ST7: variants seen among roughly 807,000 people sequenced by gnomAD.
ST7 encodes the protein suppressor of tumorigenicity 7 protein.
Under a neutral mutation model 78.7 loss-of-function variants are expected in ST7, and 28 were observed. The ratio of observed to expected loss-of-function variants is 0.36; its 90% confidence interval spans 0.26 to 0.49. The LOEUF is 0.49. Ranked by LOEUF, ST7 falls within the 20% of genes least tolerant of loss-of-function variation. ST7 has a pLI of 0.99. For synonymous variants in ST7, 247 were observed against 249.6 expected (o/e 0.99, Z 0.10); for missense variants, 418 against 696.0 (o/e 0.60, Z 4.49).
intron 1 of ST7, among the ~76,000 whole-genome samples, chr7:116,999,328 T>C (rs1455974154): frequency 6.6e-6 from 1 of 152,228 alleles, no homozygotes; most frequent in South Asian, 2.1e-4. Flanking sequence ...TACAGCTTTA[T>C]TAAATACTTT....
At chr7:117,003,551 C>G (rs576819716) in intron 1 of ST7, among the ~76,000 whole-genome samples, 196 of 152,106 alleles carry the variant, frequency 1.3e-3, no homozygotes, top group Non-Finnish European at 2.4e-3. Flanking sequence ...ACCCAAAGGG[C>G]TGGGATTACA....
chr7:117,060,245 T>C (rs1158265012), intron 1 of ST7, among the ~76,000 whole-genome samples: 1 of 152,026 alleles, frequency 6.6e-6, no homozygotes, highest in Non-Finnish European at 1.5e-5. Flanking sequence ...AGTCTATGGG[T>C]AATGGAGATC....
chr7:117,140,748 C>T (rs1425727769), intron 9 of ST7, among the ~76,000 whole-genome samples: 2 of 152,082 alleles, frequency 1.3e-5, no homozygotes, highest in Non-Finnish European at 2.9e-5. Flanking sequence ...AATACCAATA[C>T]ATGTGCTCCT....
Position 117,185,888 on chromosome 7 carries a change from A to T in ST7, c.1079-3433A>T, listed in dbSNP as rs1809213513. Among the ~76,000 whole-genome samples the T allele has an allele frequency of 3.9e-5, 6 of 152,202 alleles. No individual in the cohort carries two copies. The South Asian group carries it at 1.2e-3, about 31-fold the overall frequency. On this transcript the variant is annotated intron_variant, in intron 10 of 15. Coordinates refer to ENST00000323984, the MANE Select transcript of ST7 (RefSeq NM_001369598.1). ...CAGTTAGCTGAGATCGTGCCATTGC[A>T]CTCTAGCCTGGGCGACAGAGCGAGA...
In ST7 at chr7:117,170,845, G is replaced by T; in HGVS notation, c.964-17G>T. On this transcript the variant is annotated splice_polypyrimidine_tract_variant and intron_variant, in intron 9 of 15. Coordinates refer to ENST00000323984, the MANE Select transcript of ST7 (RefSeq NM_001369598.1). ...ATACATAATATACTAATTATTCCTTGGTTTCTTCTGCCCTAGTTAATGAAG... is the reference window on the plus strand; with the variant it reads ...ATACATAATATACTAATTATTCCTTTGTTTCTTCTGCCCTAGTTAATGAAG... The T allele has an allele frequency of 7.3e-7, 1 of 1,361,138 alleles. No individual in the cohort carries two copies. The highest frequency in any genetic ancestry group is 1.0e-6 in the Non-Finnish European group (1 of 979,520). 84.3% of individuals were successfully genotyped at this position (1,361,138 alleles called of 1,614,324 possible). A position where few individuals can be genotyped will look rare whatever the true frequency, so the allele number is the denominator to read the frequency against.
Position 117,134,868 on chromosome 7 carries a change from G to T in ST7, c.710+676G>T, listed in dbSNP as rs545571069. On this transcript the variant is annotated intron_variant, in intron 7 of 15. Coordinates refer to ENST00000323984, the MANE Select transcript of ST7 (RefSeq NM_001369598.1). Reference sequence around the variant, plus strand: ...CCACATTGTTTAAAGCCCCATTGATGGTTCCTGCCTGAAATTAGAGAGACT... The same window carrying T: ...CCACATTGTTTAAAGCCCCATTGATTGTTCCTGCCTGAAATTAGAGAGACT... Among the ~76,000 whole-genome samples the T allele has an allele frequency of 3.3e-5, 5 of 152,036 alleles. No homozygotes were observed. The East Asian group carries it at 5.8e-4, about 18-fold the overall frequency.
chr7:117,062,102 G>A (rs1354002317), intron 1 of ST7, among the ~76,000 whole-genome samples: 1 of 152,126 alleles, frequency 6.6e-6, no homozygotes, highest in Non-Finnish European at 1.5e-5. Context: ...GTCTTCACAG[G>A]GTGAGGGGGG....
At chr7:117,097,908 A>ATATATATATTTTTTTT in intron 1 of ST7, among the ~76,000 whole-genome samples, 2 of 30,012 alleles carry the variant, frequency 6.7e-5, no homozygotes, top group East Asian at 1.7e-3. Context: ...ATATATATAT[A>ATATATATATTTTTTTT]TTTTTTTTTT....
Position 116,953,577 on chromosome 7 carries a change from A to G in ST7, c.37A>G (p.Lys13Glu). 6.8e-7 allele frequency: 1 copy of G among 1,469,246 alleles called. No homozygotes were observed. Among genetic ancestry groups the G allele is most frequent in the Non-Finnish European group, 9.1e-7 (1 of 1,093,326 alleles). 91.0% of individuals were successfully genotyped at this position (1,469,246 alleles called of 1,614,324 possible). ...GGCCACGGGCTTTCTGGAGCAGCTC[A>G]AGTCCTGCATAGTTTGGTCTTGGAC... ...EAATGFLEQL[K>E]SCIVWSWTYL... is the part of the protein sequence containing the mutation. The change falls in exon 1 of 16, where the codon AAG becomes GAG. Residue 13 changes from lysine (K) to glutamate (E), a missense_variant. By Grantham distance (56) the Lys-to-Glu change is moderately conservative. Coordinates refer to ENST00000323984, the MANE Select transcript of ST7 (RefSeq NM_001369598.1).
At chr7:117,099,472 A>G (rs1489832698) in intron 1 of ST7, among the ~76,000 whole-genome samples, 1 of 152,292 alleles carries the variant, frequency 6.6e-6, no homozygotes, top group Non-Finnish European at 1.5e-5. Context: ...AAACTCTTCC[A>G]TGGTTATGAA....
intron 1 of ST7, among the ~76,000 whole-genome samples, chr7:116,997,946 G>A (rs1381637060): frequency 6.6e-6 from 1 of 152,250 alleles, no homozygotes; most frequent in African/African-American, 2.4e-5. Flanking sequence ...AGTGGATCCC[G>A]CACTGGGGCT....
chr7:117,070,421 GA>G (rs2116502871), intron 1 of ST7, among the ~76,000 whole-genome samples: 1 of 152,332 alleles, frequency 6.6e-6, no homozygotes, highest in East Asian at 1.9e-4. Flanking sequence ...GGTTGTCAGG[GA>G]ATGGGAGGAG....
chr7:117,061,708 T>A (rs547418168), intron 1 of ST7, among the ~76,000 whole-genome samples: 2 of 152,198 alleles, frequency 1.3e-5, no homozygotes, highest in African/African-American at 4.8e-5. Context: ...ATTATATATA[T>A]ATAAGGGTAA....
intron 6 of ST7, among the ~76,000 whole-genome samples, chr7:117,132,484 T>G (rs1304139175): frequency 6.6e-6 from 1 of 151,806 alleles, no homozygotes; most frequent in Non-Finnish European, 1.5e-5. Flanking sequence ...CTTCTGGAGA[T>G]CTCAGAAAAT....
chr7:117,074,866 G>T (rs1455374862), intron 1 of ST7: 1 of 152,162 alleles, frequency 6.6e-6, no homozygotes, highest in East Asian at 1.9e-4. Context: ...GGTGAATAGT[G>T]CCCTTTTTGT....
intron 2 of ST7, among the ~76,000 whole-genome samples, chr7:117,104,465 G>A (rs1325717958): frequency 1.3e-5 from 2 of 151,980 alleles, no homozygotes; most frequent in African/African-American, 4.8e-5. Flanking sequence ...ACAAAAACTG[G>A]GTGTAACAGA....
intron 12 of ST7, among the ~76,000 whole-genome samples, chr7:117,202,150 G>A (rs1382514781): frequency 1.4e-4 from 7 of 51,688 alleles, no homozygotes; most frequent in African/African-American, 4.0e-4. Flanking sequence ...TTTTAGTAGA[G>A]ACGGGGTTTC....
At chr7:117,167,830 T>A (rs1415211762) in intron 9 of ST7, among the ~76,000 whole-genome samples, 1 of 152,098 alleles carries the variant, frequency 6.6e-6, no homozygotes, top group Non-Finnish European at 1.5e-5. Flanking sequence ...GACTTTCAAA[T>A]GATGCAGAGG....
chr7:117,190,822 T>C lies in ST7; in HGVS notation c.1152-12T>C. 1 of 1,613,270 alleles carries C rather than the reference T, an allele frequency of 6.2e-7. No homozygotes were observed. Among genetic ancestry groups the C allele is most frequent in the Non-Finnish European group, 8.5e-7 (1 of 1,179,498 alleles). ...GTCCCACCTGGATGGTTTTTGTCTT[T>C]CTGCTTTTCAGATTCTCTCCTGAGG... On this transcript the variant is annotated splice_polypyrimidine_tract_variant and intron_variant, in intron 11 of 15. Coordinates refer to ENST00000323984, the MANE Select transcript of ST7 (RefSeq NM_001369598.1). The surrounding 1 kb of genome is among the most constrained non-coding windows in gnomAD (Gnocchi z 5.2).
Sources: allele counts gnomAD v4.1 joint callset (sites outside exome capture counted in the v4.1 genomes callset), GRCh38; gene constraint gnomAD v4.1.1; non-coding constraint Gnocchi (gnomAD v3.1); transcripts MANE v1.5; gene names NCBI Gene and HGNC (gene_info 2026-07-23, HGNC 2026-07-21).